Variants in KIF1B observed in about 807,000 individuals in gnomAD.
KIF1B encodes the protein kinesin-like protein KIF1B.
Under a neutral mutation model 241.9 loss-of-function variants are expected in KIF1B, and 76 were observed. The ratio of observed to expected loss-of-function variants is 0.31; its 90% CI spans 0.26 to 0.38. KIF1B has a LOEUF of 0.38. KIF1B is among the 10% of genes least tolerant of loss of function. KIF1B has a pLI of 1.00. For missense variants in KIF1B, 1,622 were observed against 2,271.4 expected (o/e 0.71, Z 5.81); for synonymous variants, 750 against 796.7 (o/e 0.94, Z 0.99).
intron 14 of KIF1B, among the ~76,000 whole-genome samples, chr1:10,280,322 C>T (rs890312999): frequency 1.3e-5 from 2 of 151,986 alleles, no homozygotes; most frequent in African/African-American, 4.8e-5. Flanking sequence ...GCAACTTCCG[C>T]TGCCTGGGTT....
At chr1:10,351,003 G>C (rs937541669) in intron 37 of KIF1B, among the ~76,000 whole-genome samples, 1 of 149,010 alleles carries the variant, frequency 6.7e-6, no homozygotes. Flanking sequence ...CTGGAAGCTT[G>C]CTTGAACCTG....
chr1:10,279,119 C>T lies in KIF1B; in HGVS notation c.1203C>T (p.Tyr401=). ...IIDIDPLIDD[Y]SGSGSKYLKD... is the part of the protein sequence containing the mutation. ...CAGTTGATCCATTGATCGATGATTA[C>T]TCTGGAAGTGGAAGCAAATGTGTGT... is the stretch of plus-strand genomic sequence containing the variant. Residue 401 remains tyrosine, a synonymous_variant, in exon 14 of 49, where the codon TAC becomes TAT. Transcript: ENST00000676179. The T allele has an allele frequency of 6.5e-7, 1 of 1,546,620 alleles. No homozygotes were observed. The highest frequency in any genetic ancestry group is 1.2e-5 in the South Asian group (1 of 83,878).
intron 22 of KIF1B, chr1:10,299,100 AAAAACAAAAC>A (rs1380606142): frequency 6.6e-6 from 1 of 151,934 alleles, no homozygotes; most frequent in African/African-American, 2.4e-5. Context: ...CAAAAACCAC[AAAAACAAAAC>A]AAAACAAGAC....
At chr1:10,345,741 C>G in intron 34 of KIF1B, 104 bp from the exon 35 acceptor site, 1 of 814,322 alleles carries the variant, frequency 1.2e-6, no homozygotes. Flanking sequence ...CTGACTCTTG[C>G]TGCCTTTCCC....
chr1:10,371,579 C>A (rs896902518), intron 45 of KIF1B, among the ~76,000 whole-genome samples: 4 of 152,096 alleles, frequency 2.6e-5, no homozygotes, highest in Admixed American at 6.6e-5. Flanking sequence ...GAAGTGCTAT[C>A]TTGGGAAAAA....
At chr1:10,366,475 G>A (rs1428305766) in intron 43 of KIF1B, among the ~76,000 whole-genome samples, 1 of 151,222 alleles carries the variant, frequency 6.6e-6, no homozygotes, top group African/African-American at 2.4e-5. Context: ...GGGAGGCAGC[G>A]GTGTCTTGCG....
chr1:10,263,885 T>G (rs1429007366), intron 5 of KIF1B, among the ~76,000 whole-genome samples: 1 of 152,188 alleles, frequency 6.6e-6, no homozygotes, highest in Non-Finnish European at 1.5e-5. Flanking sequence ...CCTTCCCTGT[T>G]TACTCTGCTC....
intron 2 of KIF1B, among the ~76,000 whole-genome samples, chr1:10,244,197 A>G (rs74919097): frequency 0.019 from 2,845 of 151,570 alleles, 41 homozygotes; most frequent in Non-Finnish European, 0.028. Flanking sequence ...AGGTTTTACT[A>G]TGTTTCTATA....
chr1:10,256,462 G>C (rs187187737), intron 3 of KIF1B, 139 bp downstream of exon 3: 2 of 705,396 alleles, frequency 2.8e-6, no homozygotes, highest in African/African-American at 1.8e-5. Flanking sequence ...CTTTGATACA[G>C]TGATATAGTA....
Position 10,215,170 on chromosome 1 carries a change from ATATTTTTT to A in KIF1B, c.-80+4294_-80+4301del, listed in dbSNP as rs1170145917. 1.8e-4 allele frequency among the ~76,000 whole-genome samples: 9 copies of A among 50,254 alleles called. No individual in the cohort carries two copies. The East Asian group carries it at 2.6e-3, about 15-fold the overall frequency. The allele number at this position is 50,254 out of a possible 152,430, so 33.0% of individuals were successfully genotyped here. ...TATATATATATATATATATATATATATATTTTTTTTTTTTTTTTTTTTTGAGACGGAGT... is the reference window on the plus strand; with the variant it reads ...TATATATATATATATATATATATATATTTTTTTTTTTTTTTGAGACGGAGT... On this transcript the variant is annotated intron_variant, in intron 1 of 48. Coordinates refer to ENST00000676179, the MANE Select transcript of KIF1B (RefSeq NM_001365951.3).
rs184457174 is a variant in KIF1B at position 10,235,672 on chromosome 1, C to G, written c.106+3238C>G. Among the ~76,000 whole-genome samples the G allele has an allele frequency of 3.3e-5, 5 of 152,000 alleles. No homozygotes were observed. In the East Asian group the frequency reaches 9.8e-4, roughly 30 times the overall value. ...GGTCAGGAGTTCAAGACCAGCCTGA[C>G]CAACATGATGAAACCTCGTCTCTAC... is the stretch of plus-strand genomic sequence containing the variant. On this transcript the variant is annotated intron_variant, in intron 2 of 48. Coordinates refer to ENST00000676179, the MANE Select transcript of KIF1B (RefSeq NM_001365951.3).
rs187964218 is a variant in KIF1B at position 10,331,417 on chromosome 1, G to A, written c.2925-3103G>A. Among the ~76,000 whole-genome samples the A allele has an allele frequency of 1.2e-3, 182 of 152,208 alleles. 1 individual carries two copies. Among genetic ancestry groups the A allele is most frequent in the African/African-American group, 4.0e-3 (165 of 41,540 alleles). On this transcript the variant is annotated intron_variant, in intron 27 of 48. Coordinates refer to ENST00000676179, the MANE Select transcript of KIF1B (RefSeq NM_001365951.3). Reference sequence around the variant, plus strand: ...CAGAGCTTCAACTCTCTGTTTCTTAGCATTTCTCTCTCTCCTGCTTTGGAG... The same window carrying A: ...CAGAGCTTCAACTCTCTGTTTCTTAACATTTCTCTCTCTCCTGCTTTGGAG...
rs1159269846 is a variant in KIF1B at position 10,282,309 on chromosome 1, T to G, written c.1223-13T>G. ...CCCTACTTTTCCTGCCTTCTCTTCTTTCTATCTCCCAGATCTGAAAGATTT... is the reference window on the plus strand; with the variant it reads ...CCCTACTTTTCCTGCCTTCTCTTCTGTCTATCTCCCAGATCTGAAAGATTT... On this transcript the variant is annotated splice_polypyrimidine_tract_variant and intron_variant, in intron 14 of 48. Coordinates refer to ENST00000676179, the MANE Select transcript of KIF1B (RefSeq NM_001365951.3). 1 of 1,608,504 alleles carries G rather than the reference T, an allele frequency of 6.2e-7. No homozygotes were observed. The highest frequency in any genetic ancestry group is 8.5e-7 in the Non-Finnish European group (1 of 1,175,212).
intron 2 of KIF1B, among the ~76,000 whole-genome samples, chr1:10,253,993 C>A (rs1312515305): frequency 1.3e-5 from 2 of 152,182 alleles, no homozygotes; most frequent in Admixed American, 1.3e-4. Flanking sequence ...ATTTTTTAAT[C>A]CTGATCTCAC....
chr1:10,242,677 C>G (rs913468769), intron 2 of KIF1B, among the ~76,000 whole-genome samples: 1 of 152,046 alleles, frequency 6.6e-6, no homozygotes, highest in South Asian at 2.1e-4. Flanking sequence ...CCACCATGCC[C>G]AGCTAATTTT....
chr1:10,265,946 T>TA (rs1323957434), intron 5 of KIF1B, among the ~76,000 whole-genome samples: 1 of 152,342 alleles, frequency 6.6e-6, no homozygotes, highest in East Asian at 1.9e-4. Context: ...CCATTCCAGA[T>TA]ACTCTGAAAA....
Position 10,266,312 on chromosome 1 carries a change from G to A in KIF1B, c.430-1068G>A, listed in dbSNP as rs185065081. ...GGACAGACCTCGCTGTTGGAAGCCT[G>A]TTGGTTGTTTGGTGTGCATGGAATT... On this transcript the variant is annotated intron_variant, in intron 5 of 48. Transcript: ENST00000676179. Among the ~76,000 whole-genome samples the A allele has an allele frequency of 2.6e-5, 4 of 152,322 alleles. No individual in the cohort carries two copies. The East Asian group carries it at 7.7e-4, about 29-fold the overall frequency.
At chr1:10,268,856 G>A (rs1265322740) in intron 7 of KIF1B, among the ~76,000 whole-genome samples, 2 of 151,932 alleles carry the variant, frequency 1.3e-5, no homozygotes, top group African/African-American at 2.4e-5. Context: ...ATTACTTTGG[G>A]CAAACTACTT....
At chr1:10,283,468 G>C (rs1487364430) in intron 15 of KIF1B, among the ~76,000 whole-genome samples, 6 of 152,158 alleles carry the variant, frequency 3.9e-5, no homozygotes, top group African/African-American at 1.4e-4. Flanking sequence ...TGCTGGCTCT[G>C]TCAGGTTCGA....
Sources: allele counts gnomAD v4.1 joint callset (sites outside exome capture counted in the v4.1 genomes callset), GRCh38; gene constraint gnomAD v4.1.1; transcripts MANE v1.5; gene names NCBI Gene and HGNC (gene_info 2026-07-23, HGNC 2026-07-21).